Variants in PEX5L observed in about 807,000 individuals in gnomAD.
PEX5L encodes PEX5-related protein.
A neutral mutation model predicts 84.0 loss-of-function variants in PEX5L; 30 were observed. The ratio of observed to expected loss-of-function variants is 0.36; its 90% CI spans 0.27 to 0.48. The LOEUF is 0.48. Among genes scored for constraint, PEX5L ranks in the 20% least tolerant of loss-of-function variants. PEX5L has a pLI of 0.99. For missense variants in PEX5L, 533 were observed against 754.6 expected, an observed-to-expected ratio of 0.71 and a Z score of 3.44; for synonymous variants, 270 against 283.1, an observed-to-expected ratio of 0.95 and a Z score of 0.46.
At chr3:179,909,014 A>G (rs747205183) in intron 2 of PEX5L, among the ~76,000 whole-genome samples, 59 of 152,294 alleles carry the variant, frequency 3.9e-4, no homozygotes, top group Non-Finnish European at 6.6e-4. Flanking sequence ...TGAAATATGA[A>G]TTGACTATGA....
intron 2 of PEX5L, chr3:179,900,570 A>T (rs1238553651): frequency 1.3e-6 from 1 of 783,240 alleles, no homozygotes; most frequent in Admixed American, 2.5e-5. Context: ...AACAAAAATT[A>T]GTCCTTTCAT....
intron 1 of PEX5L, among the ~76,000 whole-genome samples, chr3:180,023,599 C>T (rs1790616354): frequency 6.6e-6 from 1 of 152,022 alleles, no homozygotes; most frequent in South Asian, 2.1e-4. Flanking sequence ...TAATTAGAGG[C>T]CTGATAATAA....
intron 1 of PEX5L, among the ~76,000 whole-genome samples, chr3:180,011,927 C>T (rs888917842): frequency 5.3e-5 from 8 of 152,338 alleles, no homozygotes; most frequent in South Asian, 4.1e-4. Context: ...ATGAACACAG[C>T]TTCTTAGCAC....
intron 2 of PEX5L, chr3:179,921,679 CTG>C (rs1470741963): frequency 6.6e-6 from 1 of 152,208 alleles, no homozygotes; most frequent in Non-Finnish European, 1.5e-5. Context: ...GGGACAGCTA[CTG>C]TGTCATCTGG....
At chr3:179,960,978 C>T (rs555962263) in intron 2 of PEX5L, among the ~76,000 whole-genome samples, 38 of 152,272 alleles carry the variant, frequency 2.5e-4, no homozygotes, top group Non-Finnish European at 5.1e-4. Flanking sequence ...GTTAATTATT[C>T]ACAAATTATA....
At chr3:179,877,450 G>T (rs1752788728) in intron 5 of PEX5L, among the ~76,000 whole-genome samples, 1 of 151,978 alleles carries the variant, frequency 6.6e-6, no homozygotes, top group African/African-American at 2.4e-5. Context: ...GTGTTATATT[G>T]TAATATATTA....
In PEX5L at chr3:179,971,677, A is replaced by G. The variant is rs1325992797; in HGVS notation, c.22-12T>C. The G allele has an allele frequency of 3.8e-6, 6 of 1,587,780 alleles. No homozygotes were observed. The highest frequency in any genetic ancestry group is 5.1e-6 in the Non-Finnish European group (6 of 1,165,556). On this transcript the variant is annotated splice_polypyrimidine_tract_variant and intron_variant, in intron 1 of 14. Transcript: ENST00000467460. ...TGTTCTTTACTTTTCTTGTGAAAGAATAATTTTAAATGATCATTTAGTTTC... is the reference window on the plus strand; with the variant it reads ...TGTTCTTTACTTTTCTTGTGAAAGAGTAATTTTAAATGATCATTTAGTTTC...
intron 2 of PEX5L, among the ~76,000 whole-genome samples, chr3:179,907,932 C>T (rs912872492): frequency 6.6e-5 from 10 of 152,058 alleles, no homozygotes; most frequent in Admixed American, 3.3e-4. Flanking sequence ...ACCAAATGTC[C>T]GAGTTTTGTT....
intron 2 of PEX5L, among the ~76,000 whole-genome samples, chr3:179,953,735 G>A (rs1779723057): frequency 6.6e-6 from 1 of 152,136 alleles, no homozygotes; most frequent in Admixed American, 6.5e-5. Context: ...GATGGAAATG[G>A]AGTAGTGATG....
intron 1 of PEX5L, among the ~76,000 whole-genome samples, chr3:179,979,935 C>T (rs1012343451): frequency 3.9e-5 from 6 of 152,128 alleles, no homozygotes; most frequent in South Asian, 2.1e-4. Flanking sequence ...CCTGGCATCC[C>T]GCACCTGCCA....
At chr3:179,875,503 A>G in intron 5 of PEX5L, 26 bp from the exon 6 acceptor site, 4 of 1,341,044 alleles carry the variant, frequency 3.0e-6, no homozygotes, top group Non-Finnish European at 4.0e-6. Context: ...GAAGCAGGTG[A>G]GGCAGGTGGC....
At chr3:179,873,720 T>C (rs1449673912) in intron 7 of PEX5L, among the ~76,000 whole-genome samples, 2 of 152,102 alleles carry the variant, frequency 1.3e-5, no homozygotes, top group African/African-American at 2.4e-5. Flanking sequence ...GACTAAAGAG[T>C]ATCTTTAAAG....
chr3:179,930,620 T>C (rs1035765809), intron 2 of PEX5L, among the ~76,000 whole-genome samples: 11 of 152,212 alleles, frequency 7.2e-5, no homozygotes, highest in African/African-American at 2.7e-4. Context: ...AATAACCATG[T>C]TTGGGCTTTA....
intron 4 of PEX5L, chr3:179,881,590 G>A: frequency 6.6e-6 from 1 of 152,202 alleles, no homozygotes; most frequent in Non-Finnish European, 1.5e-5. Flanking sequence ...CTCAATAAAT[G>A]TGATTTCCAT....
chr3:179,809,869 C>T (rs941363976), intron 11 of PEX5L, among the ~76,000 whole-genome samples: 14 of 151,828 alleles, frequency 9.2e-5, no homozygotes, highest in African/African-American at 3.1e-4. Context: ...TAAAACTTAC[C>T]CTAATGATTG....
intron 9 of PEX5L, among the ~76,000 whole-genome samples, chr3:179,818,713 T>G (rs957090869): frequency 1.3e-5 from 2 of 152,192 alleles, no homozygotes; most frequent in African/African-American, 4.8e-5. Context: ...AAGTCTGTCT[T>G]TCTGTGCCTG....
At chr3:179,869,011 T>TTGCCC (rs1749357500) in intron 7 of PEX5L, among the ~76,000 whole-genome samples, 1 of 152,180 alleles carries the variant, frequency 6.6e-6, no homozygotes, top group Non-Finnish European at 1.5e-5. Context: ...GACCAAGGGC[T>TTGCCC]TTGGTCCCCT....
At chr3:179,923,290 C>CAAAAAAAA (rs34537913) in intron 2 of PEX5L, among the ~76,000 whole-genome samples, 10 of 81,068 alleles carry the variant, frequency 1.2e-4, no homozygotes, top group African/African-American at 2.5e-4. Flanking sequence ...GACTCCATCT[C>CAAAAAAAA]AAAAAAAAAA....
chr3:179,897,787 GA>G (rs1759845104), intron 3 of PEX5L, among the ~76,000 whole-genome samples: 2 of 151,926 alleles, frequency 1.3e-5, no homozygotes, highest in South Asian at 4.2e-4. Flanking sequence ...ATAGGAATTT[GA>G]TTTTTTTTTG....
Sources: gnomAD v4.1 joint callset for allele counts (sites outside exome capture counted in the v4.1 genomes callset) on GRCh38, gnomAD v4.1.1 for gene constraint, MANE v1.5 for transcripts, NCBI Gene and HGNC (gene_info 2026-07-23, HGNC 2026-07-21) for gene names.